QRFPR: variants seen among roughly 807,000 people sequenced by gnomAD.
QRFPR encodes the protein pyroglutamylated RFamide peptide receptor.
Under a neutral mutation model 31.3 loss-of-function variants are expected in QRFPR, and 37 were observed. The ratio of observed to expected loss-of-function variants is 1.18; its 90% CI spans 0.91 to 1.56. The LOEUF is 1.56. Among genes scored for constraint, QRFPR ranks in the 40% most tolerant of loss-of-function variants. The probability of loss-of-function intolerance (pLI) is 0.00; values close to 1 mark genes in which losing one functional copy is unlikely to be tolerated. For missense variants in QRFPR, 542 were observed against 532.5 expected, an observed-to-expected ratio of 1.02 and a Z score of -0.18; for synonymous variants, 197 against 192.0, an observed-to-expected ratio of 1.03 and a Z score of -0.22.
rs531291150 is a variant in QRFPR, at chr4:121,335,924, A to G, written c.561+883T>C. ...GATGCATTTTTCCAGGTAGCAAGGG[A>G]TAAAATAAAATTACTTTCTGCTCTC... On this transcript the variant is annotated intron_variant, in intron 3 of 5. Transcript: ENST00000394427. Among the ~76,000 whole-genome samples the G allele has an allele frequency of 2.3e-3, 350 of 152,278 alleles. 2 individuals are homozygous for G. Among genetic ancestry groups the G allele is most frequent in the African/African-American group, 8.0e-3 (331 of 41,546 alleles).
At chr4:121,369,812 G>A (rs1335367899) in intron 1 of QRFPR, 7 of 1,360,158 alleles carry the variant, frequency 5.1e-6, no homozygotes, top group Non-Finnish European at 6.3e-6. Context: ...AAAGTGAGAA[G>A]TGGTGCTTGG....
intron 1 of QRFPR, among the ~76,000 whole-genome samples, chr4:121,375,229 A>G (rs1270680258): frequency 6.6e-6 from 1 of 152,136 alleles, no homozygotes; most frequent in East Asian, 1.9e-4. Flanking sequence ...CTCCCAGCCT[A>G]TCCCTCAACT....
chr4:121,360,604 C>T (rs1184592387), intron 1 of QRFPR, among the ~76,000 whole-genome samples: 4 of 152,106 alleles, frequency 2.6e-5, no homozygotes, highest in Admixed American at 2.6e-4. Flanking sequence ...TACAGTAATG[C>T]TCTTTGATAT....
chr4:121,380,426 C>T lies in QRFPR; in HGVS notation c.222G>A (p.Lys74=), dbSNP rs760888131. The T allele has an allele frequency of 2.2e-5, 36 of 1,614,126 alleles. No homozygotes were observed. Among genetic ancestry groups the T allele is most frequent in the East Asian group, 2.2e-5 (1 of 44,890 alleles). Residue 74 remains lysine, a synonymous_variant, in exon 1 of 6, where the codon AAG becomes AAA. Transcript: ENST00000394427. ...AGATGTTGGTGACGGTGCGCATGGC[C>T]TTGCTGCGGGTCACCACGTAGAACA... ...ALVFYVVTRS[K]AMRTVTNIFI...
chr4:121,338,480 CTT>C (rs1175301064), intron 2 of QRFPR, among the ~76,000 whole-genome samples: 1 of 152,184 alleles, frequency 6.6e-6, no homozygotes, highest in Non-Finnish European at 1.5e-5. Flanking sequence ...AATTTGTAAA[CTT>C]TTAAAAAATA....
chr4:121,368,436 G>T (rs1726167833), intron 1 of QRFPR, among the ~76,000 whole-genome samples: 1 of 150,524 alleles, frequency 6.6e-6, no homozygotes, highest in Admixed American at 6.6e-5. Flanking sequence ...ACTTTAAAGT[G>T]CAAGAAAGGC....
intron 1 of QRFPR, among the ~76,000 whole-genome samples, chr4:121,340,903 T>C (rs1725531425): frequency 6.6e-6 from 1 of 152,224 alleles, no homozygotes; most frequent in African/African-American, 2.4e-5. Context: ...TGACTTTTGC[T>C]TGGGGAAGAG....
At chr4:121,360,474 G>A (rs1725967832) in intron 1 of QRFPR, among the ~76,000 whole-genome samples, 2 of 152,062 alleles carry the variant, frequency 1.3e-5, no homozygotes, top group South Asian at 2.1e-4. Context: ...GAGTTCTGAT[G>A]GGTTTAATTT....
At chr4:121,330,308 T>C (rs879572124) in intron 5 of QRFPR, 118 bp downstream of exon 5, 11 of 687,254 alleles carry the variant, frequency 1.6e-5, no homozygotes, top group African/African-American at 3.6e-5. Flanking sequence ...GAAAGAAATA[T>C]ATGAAATGTT....
chr4:121,352,133 T>C (rs1375766619), intron 1 of QRFPR, among the ~76,000 whole-genome samples: 2 of 152,128 alleles, frequency 1.3e-5, no homozygotes, highest in Non-Finnish European at 2.9e-5. Flanking sequence ...TTACATGTAT[T>C]TGTTCTATAC....
In QRFPR at chr4:121,329,105, GA is replaced by G; in HGVS notation, c.*208del. 1 of 459,202 alleles carries G rather than the reference GA, an allele frequency of 2.2e-6. No individual in the cohort carries two copies. Among genetic ancestry groups the G allele is most frequent in the Non-Finnish European group, 3.8e-6 (1 of 265,156 alleles). The allele number at this position is 459,202 out of a possible 1,614,324, so 28.4% of individuals were successfully genotyped here. ...CAAGTGAAGCAGTGGGAATGAGAAGGAACACAGAAATCTGTTAAATGATTGT... is the reference window on the plus strand; with the variant it reads ...CAAGTGAAGCAGTGGGAATGAGAAGGACACAGAAATCTGTTAAATGATTGT... On this transcript the variant is annotated 3_prime_UTR_variant, in exon 6 of 6. Transcript: ENST00000394427.
chr4:121,356,753 T>C (rs1305375921), intron 1 of QRFPR, among the ~76,000 whole-genome samples: 1 of 152,090 alleles, frequency 6.6e-6, no homozygotes. Context: ...TTTCCCCTAA[T>C]CAGAAGGATA....
intron 1 of QRFPR, among the ~76,000 whole-genome samples, chr4:121,365,638 ATTT>A: frequency 5.7e-5 from 2 of 35,198 alleles, no homozygotes; most frequent in South Asian, 7.5e-4. Flanking sequence ...TTATATATAT[ATTT>A]TATATATTAT....
intron 1 of QRFPR, among the ~76,000 whole-genome samples, chr4:121,366,653 G>A (rs1726139509): frequency 6.7e-6 from 1 of 149,868 alleles, no homozygotes; most frequent in South Asian, 2.1e-4. Context: ...AGTGAGACTA[G>A]CAGAAGAACC....
intron 1 of QRFPR, among the ~76,000 whole-genome samples, chr4:121,355,673 G>A (rs1725854120): frequency 6.6e-6 from 1 of 151,686 alleles, no homozygotes; most frequent in African/African-American, 2.4e-5. Context: ...AAGGTTTTCT[G>A]CTTTTCTGAT....
intron 1 of QRFPR, among the ~76,000 whole-genome samples, chr4:121,379,864 T>C (rs1560748997): frequency 6.6e-6 from 1 of 152,190 alleles, no homozygotes. Flanking sequence ...TTTTTAACTT[T>C]GGTTTAATTA....
chr4:121,371,599 T>A (rs899758737), intron 1 of QRFPR, among the ~76,000 whole-genome samples: 24 of 152,266 alleles, frequency 1.6e-4, no homozygotes, highest in African/African-American at 5.8e-4. Context: ...GAAGAGCCAC[T>A]CAGAACTCTG....
At chr4:121,335,842 GTTGC>G (rs1725424772) in intron 3 of QRFPR, among the ~76,000 whole-genome samples, 1 of 152,108 alleles carries the variant, frequency 6.6e-6, no homozygotes, top group Non-Finnish European at 1.5e-5. Context: ...GACTGGAAGA[GTTGC>G]TCAAGATTTT....
intron 1 of QRFPR, among the ~76,000 whole-genome samples, chr4:121,375,950 G>A (rs773579909): frequency 8.5e-5 from 13 of 152,248 alleles, no homozygotes; most frequent in South Asian, 4.1e-4. Context: ...GAATTTGGAG[G>A]AGCATTTGGA....
Sources: gnomAD v4.1 joint callset for allele counts (sites outside exome capture counted in the v4.1 genomes callset) on GRCh38, gnomAD v4.1.1 for gene constraint, MANE v1.5 for transcripts, NCBI Gene and HGNC (gene_info 2026-07-23, HGNC 2026-07-21) for gene names.